MAD1L1: variants seen among roughly 807,000 people sequenced by gnomAD.
The protein encoded by MAD1L1 is mitotic arrest deficient 1 like 1.
In MAD1L1, 95 loss-of-function variants were observed where a neutral mutation model predicts 96.9. That is an observed-to-expected ratio of 0.98 (90% CI 0.83 to 1.16). MAD1L1 has a LOEUF of 1.16. Ranked by LOEUF, MAD1L1 falls within the 50% of genes most tolerant of loss-of-function variation. MAD1L1 has a pLI of 0.00. For missense variants in MAD1L1, 1,007 were observed against 954.4 expected (o/e 1.06, Z -0.73); for synonymous variants, 473 against 396.6 (o/e 1.19, Z -2.29).
At chr7:2,079,604 T>C (rs1785536164) in intron 11 of MAD1L1, 1 of 470,604 alleles carries the variant, frequency 2.1e-6, no homozygotes, top group Admixed American at 2.4e-5. Context: ...TACTCTCATC[T>C]GACCTTGAAA....
intron 11 of MAD1L1, among the ~76,000 whole-genome samples, chr7:2,123,216 A>G (rs758047097): frequency 6.6e-6 from 1 of 150,428 alleles, no homozygotes; most frequent in Non-Finnish European, 1.5e-5. Flanking sequence ...GAGGCAGGAG[A>G]ATGGCATGAA....
intron 12 of MAD1L1, among the ~76,000 whole-genome samples, chr7:2,046,936 C>T (rs556190159): frequency 6.6e-6 from 1 of 152,238 alleles, no homozygotes; most frequent in Non-Finnish European, 1.5e-5. Context: ...GCACACAACA[C>T]CCCCTGGGCT....
intron 16 of MAD1L1, among the ~76,000 whole-genome samples, chr7:1,943,410 T>A (rs1026575398): frequency 2.6e-5 from 4 of 152,162 alleles, no homozygotes; most frequent in Admixed American, 2.0e-4. Flanking sequence ...AACGACCCAG[T>A]GTCACAATAG....
intron 11 of MAD1L1, among the ~76,000 whole-genome samples, chr7:2,111,081 C>A (rs1787352681): frequency 6.6e-6 from 1 of 152,216 alleles, no homozygotes; most frequent in South Asian, 2.1e-4. Flanking sequence ...GTCCACAGGG[C>A]ACGCTGCGGC....
At chr7:2,029,207 CA>C (rs1250154495) in intron 12 of MAD1L1, among the ~76,000 whole-genome samples, 2 of 151,948 alleles carry the variant, frequency 1.3e-5, no homozygotes, top group African/African-American at 4.8e-5. Flanking sequence ...TCACAGTAGC[CA>C]AGAAATAAAG....
rs3778959 is a variant in MAD1L1, at chr7:2,088,355, G to A, written c.1074-19017C>T. On this transcript the variant is annotated intron_variant, in intron 11 of 18. Transcript: ENST00000265854. The surrounding 1 kb of genome is among the most constrained non-coding windows in gnomAD (Gnocchi z 4.4). Reference sequence around the variant, plus strand: ...TCTCGTGCTACCCTGGTTCCGTGTCGGCGCCAGCCCTCCAACCTTCTGGCC... The same window carrying A: ...TCTCGTGCTACCCTGGTTCCGTGTCAGCGCCAGCCCTCCAACCTTCTGGCC... Among the ~76,000 whole-genome samples the A allele has an allele frequency of 0.045, 6,921 of 152,156 alleles. 256 individuals carry two copies. The highest frequency in any genetic ancestry group is 0.095 in the African/African-American group (3,937 of 41,482).
intron 11 of MAD1L1, among the ~76,000 whole-genome samples, chr7:2,076,816 G>A (rs1785396600): frequency 2.0e-5 from 3 of 148,272 alleles, no homozygotes; most frequent in South Asian, 2.2e-4. Context: ...AGATGGTTAC[G>A]ACACGATGAG....
At chr7:1,881,351 A>G (rs897940679) in intron 18 of MAD1L1, among the ~76,000 whole-genome samples, 14 of 152,164 alleles carry the variant, frequency 9.2e-5, no homozygotes, top group Non-Finnish European at 1.8e-4. Flanking sequence ...ATTTTTCACA[A>G]AAAAATTTGC....
chr7:2,125,680 A>G (rs1788199684), intron 11 of MAD1L1, among the ~76,000 whole-genome samples: 1 of 152,176 alleles, frequency 6.6e-6, no homozygotes, highest in Non-Finnish European at 1.5e-5. Context: ...TCTCACCCAG[A>G]GGCAGGCGCC....
chr7:2,007,697 T>A (rs1267452505), intron 13 of MAD1L1, among the ~76,000 whole-genome samples: 1 of 152,020 alleles, frequency 6.6e-6, no homozygotes, highest in Non-Finnish European at 1.5e-5. Context: ...CCAAAAAAAG[T>A]TAAACCCCAC....
intron 10 of MAD1L1, among the ~76,000 whole-genome samples, chr7:2,157,480 C>T (rs1355491476): frequency 6.6e-6 from 1 of 152,212 alleles, no homozygotes; most frequent in Non-Finnish European, 1.5e-5. Context: ...CGCTGCCCAT[C>T]TGGGAGGAGT....
chr7:1,916,511 C>T (rs942838926), intron 17 of MAD1L1, among the ~76,000 whole-genome samples: 8 of 152,072 alleles, frequency 5.3e-5, no homozygotes, highest in African/African-American at 1.9e-4. Context: ...GCAAGTCACA[C>T]GCCAGAGCAT....
At chr7:1,897,282 G>A (rs1006217220) in intron 18 of MAD1L1, among the ~76,000 whole-genome samples, 2 of 150,572 alleles carry the variant, frequency 1.3e-5, no homozygotes, top group Non-Finnish European at 1.5e-5. Flanking sequence ...ATAAAGACAC[G>A]CAGAGGCTGC....
chr7:2,113,475 G>A (rs6955673), intron 11 of MAD1L1, among the ~76,000 whole-genome samples: 170 of 152,312 alleles, frequency 1.1e-3, no homozygotes, highest in African/African-American at 3.3e-3. Flanking sequence ...AGCTACTTGG[G>A]AGGCCGAGGC....
intron 16 of MAD1L1, among the ~76,000 whole-genome samples, chr7:1,941,010 C>CCT (rs1472799282): frequency 2.0e-5 from 3 of 152,138 alleles, no homozygotes; most frequent in East Asian, 1.9e-4. Flanking sequence ...GCCTCCTCTT[C>CCT]CTCCCCAGGC....
chr7:1,861,394 G>A (rs999443471), intron 18 of MAD1L1, among the ~76,000 whole-genome samples: 2 of 152,132 alleles, frequency 1.3e-5, no homozygotes, highest in East Asian at 1.9e-4. Context: ...AAACAGAAGC[G>A]TCACTGCTCC....
chr7:2,001,374 G>C (rs964513191), intron 14 of MAD1L1, among the ~76,000 whole-genome samples: 1 of 152,242 alleles, frequency 6.6e-6, no homozygotes, highest in Non-Finnish European at 1.5e-5. Flanking sequence ...ACTTTGTTTA[G>C]GCCAAAACGC....
chr7:1,904,420 A>G (rs1455135971), intron 17 of MAD1L1, among the ~76,000 whole-genome samples: 15 of 110,940 alleles, frequency 1.4e-4, no homozygotes, highest in East Asian at 6.3e-4. Context: ...CAGTGAGGAC[A>G]CAGTGGCCTA....
chr7:2,113,879 C>G (rs907975540), intron 11 of MAD1L1, among the ~76,000 whole-genome samples: 1 of 152,184 alleles, frequency 6.6e-6, no homozygotes, highest in South Asian at 2.1e-4. Context: ...CCCGTGCTCT[C>G]GAAGAGGCGG....
Sources: allele counts gnomAD v4.1 joint callset (sites outside exome capture counted in the v4.1 genomes callset), GRCh38; gene constraint gnomAD v4.1.1; non-coding constraint Gnocchi (gnomAD v3.1); transcripts MANE v1.5; gene names NCBI Gene and HGNC (gene_info 2026-07-23, HGNC 2026-07-21).